The following CATSPERT variants were observed in gnomAD, a reference collection of about 807,000 sequenced individuals.
The protein encoded by CATSPERT is cation channel sperm-associated targeting subunit tau.
At chr2:201,535,913 G>A in the CATSPERT span, 1 of 1,549,162 alleles carries the variant, frequency 6.5e-7, no homozygotes, top group African/African-American at 1.4e-5. Context: ...CTAAGCCTGT[G>A]TTCTCCCTTT....
chr2:201,493,417 T>G, the CATSPERT span: 14 of 1,537,074 alleles, frequency 9.1e-6, no homozygotes, highest in African/African-American at 1.9e-4. Context: ...TGAATAATAC[T>G]CTTGGGAATC....
At chr2:201,492,286 T>C in the CATSPERT span, 2 of 1,534,372 alleles carry the variant, frequency 1.3e-6, no homozygotes, top group Non-Finnish European at 1.7e-6. Flanking sequence ...ATTAAGCAAA[T>C]TTATATGCTG....
chr2:201,548,584 AG>A, the CATSPERT span, among the ~76,000 whole-genome samples: 2 of 152,128 alleles, frequency 1.3e-5, no homozygotes, highest in Non-Finnish European at 2.9e-5. Flanking sequence ...AGTGAAAAAA[AG>A]GATGTATCTT....
At chr2:201,530,051 A>G in the CATSPERT span, among the ~76,000 whole-genome samples, 1 of 152,150 alleles carries the variant, frequency 6.6e-6, no homozygotes, top group Admixed American at 6.5e-5. Context: ...AAACCACAAT[A>G]TGATATCATT....
chr2:201,562,300 C>G, the CATSPERT span, among the ~76,000 whole-genome samples: 1 of 150,370 alleles, frequency 6.7e-6, no homozygotes, highest in Non-Finnish European at 1.5e-5. Context: ...CGATTCTCCT[C>G]CCTCAGCCTC....
the CATSPERT span, among the ~76,000 whole-genome samples, chr2:201,606,588 G>A: frequency 2.6e-5 from 4 of 152,100 alleles, no homozygotes. Context: ...AAGATAGTGG[G>A]GAAAACTTCA....
chr2:201,545,629 CAAAAAA>C, the CATSPERT span: 2,168 of 155,284 alleles, frequency 0.014, no homozygotes, highest in East Asian at 0.027. Context: ...TTCCTAGAAG[CAAAAAA>C]AAAAAAAAAA....
At chr2:201,582,353 TAA>T in the CATSPERT span, 1 of 854,188 alleles carries the variant, frequency 1.2e-6, no homozygotes, top group Non-Finnish European at 1.7e-6. Context: ...ATTATGCAAA[TAA>T]ATATTATTTG....
the CATSPERT span, among the ~76,000 whole-genome samples, chr2:201,515,983 A>C: frequency 1.3e-5 from 2 of 152,258 alleles, no homozygotes; most frequent in Non-Finnish European, 2.9e-5. Flanking sequence ...ATGTGAATAC[A>C]CTGAGAAACG....
chr2:201,507,392 A>T, the CATSPERT span, among the ~76,000 whole-genome samples: 1 of 152,216 alleles, frequency 6.6e-6, no homozygotes, highest in South Asian at 2.1e-4. Flanking sequence ...AATTTTGTAA[A>T]TATATCAAAC....
the CATSPERT span, among the ~76,000 whole-genome samples, chr2:201,574,444 T>C: frequency 5.3e-5 from 8 of 152,346 alleles, no homozygotes; most frequent in South Asian, 2.1e-4. Flanking sequence ...GAAGAATTTA[T>C]TGAGTTCCTG....
At chr2:201,590,554 T>C in the CATSPERT span, among the ~76,000 whole-genome samples, 1 of 152,084 alleles carries the variant, frequency 6.6e-6, no homozygotes, top group Non-Finnish European at 1.5e-5. Flanking sequence ...CCCTGAGGAA[T>C]GGCCACACTG....
At chr2:201,608,601 G>A in the CATSPERT span, among the ~76,000 whole-genome samples, 3 of 152,068 alleles carry the variant, frequency 2.0e-5, no homozygotes, top group African/African-American at 7.2e-5. Flanking sequence ...CAAATCATTT[G>A]AGCCCAGGAG....
At chr2:201,617,100 G>A in the CATSPERT span, among the ~76,000 whole-genome samples, 2 of 152,202 alleles carry the variant, frequency 1.3e-5, no homozygotes, top group African/African-American at 4.8e-5. Flanking sequence ...TCATGGATAG[G>A]AAGACTCAAT....
the CATSPERT span, among the ~76,000 whole-genome samples, chr2:201,505,985 C>T: frequency 5.7e-4 from 86 of 152,002 alleles, no homozygotes; most frequent in Admixed American, 1.7e-3. Flanking sequence ...AGCACAAAGC[C>T]GGCCGGGCGC....
the CATSPERT span, among the ~76,000 whole-genome samples, chr2:201,562,973 C>G: frequency 1.8e-4 from 27 of 150,774 alleles, no homozygotes; most frequent in Non-Finnish European, 7.4e-5. Context: ...CCTTTCCCCC[C>G]TTTCTATTCC....
chr2:201,532,468 T>G, the CATSPERT span, among the ~76,000 whole-genome samples: 9 of 152,242 alleles, frequency 5.9e-5, no homozygotes, highest in East Asian at 1.5e-3. Context: ...GCTATCTAAG[T>G]GAAGTAAGTT....
At chr2:201,545,682 T>C in the CATSPERT span, 9 of 1,136,152 alleles carry the variant, frequency 7.9e-6, no homozygotes, top group Non-Finnish European at 9.4e-6. Context: ...GGAAAATATT[T>C]AAAGAACGAA....
At chr2:201,604,228 C>T in the CATSPERT span, among the ~76,000 whole-genome samples, 15 of 151,318 alleles carry the variant, frequency 9.9e-5, no homozygotes, top group Non-Finnish European at 2.1e-4. Context: ...CGGGGAGGGG[C>T]GCAGGATCAA....
Sources: gnomAD v4.1 joint callset for allele counts (sites outside exome capture counted in the v4.1 genomes callset) on GRCh38, gnomAD v4.1.1 for gene constraint, MANE v1.5 for transcripts, NCBI Gene and HGNC (gene_info 2026-07-23, HGNC 2026-07-21) for gene names.